The following HSD17B12 variants were observed in gnomAD, a reference collection of about 807,000 sequenced individuals.
The protein encoded by HSD17B12 is hydroxysteroid 17-beta dehydrogenase 12.
HSD17B12 carries 32 observed loss-of-function variants against 39.3 expected under a neutral mutation model. The ratio of observed to expected loss-of-function variants is 0.81; its 90% CI spans 0.61 to 1.09. HSD17B12 has a LOEUF of 1.09. Ranked by LOEUF, HSD17B12 falls within the 50% of genes least tolerant of loss-of-function variation. The pLI, the probability that HSD17B12 is intolerant of heterozygous loss-of-function variation, is 0.00. For missense variants in HSD17B12, 342 were observed against 382.9 expected (o/e 0.89, Z 0.89); for synonymous variants, 150 against 146.7 (o/e 1.02, Z -0.16).
intron 6 of HSD17B12, among the ~76,000 whole-genome samples, chr11:43,828,274 C>G (rs1277394204): frequency 1.3e-5 from 2 of 148,824 alleles, no homozygotes; most frequent in Admixed American, 1.3e-4. Context: ...TCCCAAGTAG[C>G]TGGGACTACA....
the HSD17B12 span, among the ~76,000 whole-genome samples, chr11:43,659,897 T>G: frequency 1.3e-5 from 2 of 152,200 alleles, no homozygotes; most frequent in South Asian, 2.1e-4. Context: ...AGTCTACCAG[T>G]GCCAAAGTCA....
chr11:43,718,822 C>G, intron 1 of HSD17B12: 2 of 884,842 alleles, frequency 2.3e-6, no homozygotes, highest in Admixed American at 3.4e-5. Context: ...TCTGGTGGCC[C>G]AAGACACCAC....
intron 1 of HSD17B12, among the ~76,000 whole-genome samples, chr11:43,744,876 C>G (rs890055928): frequency 2.6e-5 from 4 of 152,164 alleles, no homozygotes; most frequent in Non-Finnish European, 5.9e-5. Context: ...TAGGATGGCT[C>G]TAGAGAGATG....
intron 4 of HSD17B12, among the ~76,000 whole-genome samples, chr11:43,809,956 A>G (rs908218843): frequency 2.6e-5 from 4 of 152,218 alleles, no homozygotes; most frequent in African/African-American, 9.6e-5. Flanking sequence ...ATGAGAAGGA[A>G]ACAGGAGGGG....
the HSD17B12 span, among the ~76,000 whole-genome samples, chr11:43,629,393 C>G: frequency 6.6e-6 from 1 of 152,164 alleles, no homozygotes; most frequent in African/African-American, 2.4e-5. Context: ...TTCATTATCT[C>G]TAAATTTACC....
At chr11:43,616,828 C>G in the HSD17B12 span, among the ~76,000 whole-genome samples, 4 of 148,348 alleles carry the variant, frequency 2.7e-5, no homozygotes, top group African/African-American at 9.9e-5. Context: ...AAAAAATACC[C>G]GGGAATGGTG....
the HSD17B12 span, among the ~76,000 whole-genome samples, chr11:43,614,866 G>A: frequency 2.0e-5 from 3 of 151,648 alleles, no homozygotes; most frequent in Non-Finnish European, 4.4e-5. Flanking sequence ...CACCTATTAT[G>A]TCTAGTTTTT....
At chr11:43,621,509 G>A in the HSD17B12 span, among the ~76,000 whole-genome samples, 87 of 152,232 alleles carry the variant, frequency 5.7e-4, no homozygotes, top group African/African-American at 2.1e-3. Flanking sequence ...GAGCCCAGGA[G>A]TTCAAGACCA....
chr11:43,778,530 CA>C (rs1565085779), intron 3 of HSD17B12, among the ~76,000 whole-genome samples: 1 of 136,012 alleles, frequency 7.4e-6, no homozygotes, highest in Admixed American at 7.6e-5. Flanking sequence ...GAGACACAAC[CA>C]AAAAAGAGAA....
the HSD17B12 span, among the ~76,000 whole-genome samples, chr11:43,657,091 T>C: frequency 1.3e-5 from 2 of 152,214 alleles, no homozygotes; most frequent in Non-Finnish European, 2.9e-5. Flanking sequence ...GCTCCTGTAT[T>C]GGGTGCATAT....
the HSD17B12 span, among the ~76,000 whole-genome samples, chr11:43,574,602 G>GA: frequency 6.6e-6 from 1 of 152,036 alleles, no homozygotes; most frequent in Non-Finnish European, 1.5e-5. Context: ...TTCTTCTGCT[G>GA]AAAACCTCAG....
the HSD17B12 span, among the ~76,000 whole-genome samples, chr11:43,668,474 T>C: frequency 6.6e-6 from 1 of 152,192 alleles, no homozygotes; most frequent in African/African-American, 2.4e-5. Context: ...ATCCTTATAA[T>C]ATGGTCCCAC....
chr11:43,593,579 A>G, the HSD17B12 span, among the ~76,000 whole-genome samples: 4 of 152,326 alleles, frequency 2.6e-5, no homozygotes, highest in South Asian at 6.2e-4. Context: ...TGCAATTCTC[A>G]AGCTTCTAAA....
chr11:43,718,829 C>T (rs1190715469), intron 1 of HSD17B12: 1 of 880,350 alleles, frequency 1.1e-6, no homozygotes, highest in Non-Finnish European at 1.9e-6. Context: ...GCCCAAGACA[C>T]CACGACTCCG....
chr11:43,783,485 A>G (rs1649845633), intron 3 of HSD17B12, among the ~76,000 whole-genome samples: 1 of 151,066 alleles, frequency 6.6e-6, no homozygotes, highest in African/African-American at 2.4e-5. Context: ...ACATAGGTAT[A>G]CACGTGCCAT....
the HSD17B12 span, among the ~76,000 whole-genome samples, chr11:43,614,889 G>C: frequency 6.6e-6 from 1 of 151,204 alleles, no homozygotes; most frequent in Non-Finnish European, 1.5e-5. Flanking sequence ...TTTAGTTCTT[G>C]ACATCTTTTA....
chr11:43,829,167 A>G (rs1951282262), intron 6 of HSD17B12, among the ~76,000 whole-genome samples: 2 of 152,206 alleles, frequency 1.3e-5, no homozygotes, highest in Non-Finnish European at 2.9e-5. Flanking sequence ...ATGAGAAAGA[A>G]ATTAACTTTT....
At chr11:43,600,050 C>T in the HSD17B12 span, among the ~76,000 whole-genome samples, 4 of 152,104 alleles carry the variant, frequency 2.6e-5, no homozygotes, top group African/African-American at 4.8e-5. Context: ...AAGTTGAGAA[C>T]TCAATACTCT....
At chr11:43,601,383 C>T in the HSD17B12 span, among the ~76,000 whole-genome samples, 9 of 151,900 alleles carry the variant, frequency 5.9e-5, no homozygotes, top group South Asian at 2.1e-4. Flanking sequence ...TTCTTGATCA[C>T]GCTTTAGTAG....
Sources: gnomAD v4.1 joint callset for allele counts (sites outside exome capture counted in the v4.1 genomes callset) on GRCh38, gnomAD v4.1.1 for gene constraint, MANE v1.5 for transcripts, NCBI Gene and HGNC (gene_info 2026-07-23, HGNC 2026-07-21) for gene names.